The following AKAP13 variants were observed in gnomAD, a reference collection of about 807,000 sequenced individuals.
AKAP13 encodes the protein A-kinase anchor protein 13.
A neutral mutation model predicts 264.5 loss-of-function variants in AKAP13; 80 were observed. The ratio of observed to expected loss-of-function variants is 0.30; its 90% CI spans 0.25 to 0.36. The LOEUF (loss-of-function observed/expected upper bound fraction) is 0.36, where lower values mean the gene tolerates loss of function less well. Among genes scored for constraint, AKAP13 ranks in the 10% least tolerant of loss-of-function variants. The pLI, the probability that AKAP13 is intolerant of heterozygous loss-of-function variation, is 1.00. For missense variants in AKAP13, 3,712 were observed against 3,435.2 expected, an observed-to-expected ratio of 1.08 and a Z score of -2.01; for synonymous variants, 1,380 against 1,250.2, an observed-to-expected ratio of 1.10 and a Z score of -2.19.
chr15:85,695,353 G>A (rs1271531276), intron 17 of AKAP13, among the ~76,000 whole-genome samples: 4 of 152,174 alleles, frequency 2.6e-5, no homozygotes, highest in African/African-American at 9.7e-5. Context: ...GCAGTGAGCT[G>A]AGATCGTGCC....
At chr15:85,503,147 T>G (rs1353481961) in intron 2 of AKAP13, among the ~76,000 whole-genome samples, 1 of 152,176 alleles carries the variant, frequency 6.6e-6, no homozygotes, top group African/African-American at 2.4e-5. Context: ...CAACCTTAAT[T>G]TGTGTAAGAC....
chr15:85,649,867 C>A (rs984835399), intron 10 of AKAP13, among the ~76,000 whole-genome samples: 4 of 152,182 alleles, frequency 2.6e-5, no homozygotes, highest in African/African-American at 9.7e-5. Flanking sequence ...GGCCACTCTA[C>A]TATCCAAAAG....
In AKAP13 at chr15:85,515,542, CA is replaced by C. The variant is rs754114391; in HGVS notation, c.34-5885del. On this transcript the variant is annotated intron_variant, in intron 2 of 36. Coordinates refer to ENST00000394518, the MANE Select transcript of AKAP13 (RefSeq NM_007200.5). ...GTTGTCCCGATAATATCCTTAATAGCAGCTTGTTTTTATTAAGTATTCACTC... is the reference window on the plus strand; with the variant it reads ...GTTGTCCCGATAATATCCTTAATAGCGCTTGTTTTTATTAAGTATTCACTC... 7.2e-5 allele frequency among the ~76,000 whole-genome samples: 10 copies of C among 138,970 alleles called. 3 individuals are homozygous for C. Among genetic ancestry groups the C allele is most frequent in the African/African-American group, 1.4e-4 (5 of 34,710 alleles). The allele number at this position is 138,970 out of a possible 152,430, so 91.2% of individuals were successfully genotyped here.
chr15:85,676,003 C>G (rs987300546), intron 14 of AKAP13, among the ~76,000 whole-genome samples: 2 of 152,056 alleles, frequency 1.3e-5, no homozygotes, highest in African/African-American at 4.8e-5. Context: ...CCTCTGCCTC[C>G]CGGGTTCAAG....
At chr15:85,672,362 G>T (rs954019669) in intron 14 of AKAP13, among the ~76,000 whole-genome samples, 5 of 152,152 alleles carry the variant, frequency 3.3e-5, no homozygotes, top group African/African-American at 1.2e-4. Flanking sequence ...ACCTGTATTT[G>T]TTATTCTACA....
At chr15:85,682,950 A>AGCCACCGCAACTGGCCACG (rs6145666) in intron 15 of AKAP13, among the ~76,000 whole-genome samples, 1 of 152,196 alleles carries the variant, frequency 6.6e-6, no homozygotes, top group Non-Finnish European at 1.5e-5. Context: ...TACAGGCGTG[A>AGCCACCGCAACTGGCCACG]AATTGATTCT....
chr15:85,434,477 A>G (rs1378512331), intron 1 of AKAP13, among the ~76,000 whole-genome samples: 1 of 152,230 alleles, frequency 6.6e-6, no homozygotes, highest in African/African-American at 2.4e-5. Context: ...CCACAGCTCA[A>G]GAAGGCCTGC....
At chr15:85,668,216 A>C (rs1220430796) in intron 13 of AKAP13, among the ~76,000 whole-genome samples, 2 of 152,242 alleles carry the variant, frequency 1.3e-5, no homozygotes, top group Non-Finnish European at 2.9e-5. Flanking sequence ...CACATGAAAC[A>C]AGCTCTAAAT....
intron 5 of AKAP13, among the ~76,000 whole-genome samples, chr15:85,559,941 AAGTACATT>A (rs1365761849): frequency 6.6e-6 from 1 of 151,994 alleles, no homozygotes; most frequent in African/African-American, 2.4e-5. Flanking sequence ...GGAAAAGAAA[AAGTACATT>A]AGTGAGTGAG....
chr15:85,511,287 C>T (rs1430206772), intron 2 of AKAP13, among the ~76,000 whole-genome samples: 1 of 152,158 alleles, frequency 6.6e-6, no homozygotes. Flanking sequence ...CTTGCTGGAA[C>T]ACCAGCGTCT....
At chr15:85,640,248 C>G (rs760610910) in intron 9 of AKAP13, among the ~76,000 whole-genome samples, 2 of 152,140 alleles carry the variant, frequency 1.3e-5, no homozygotes, top group African/African-American at 2.4e-5. Context: ...GCCTGTTCTA[C>G]GACTGCTAAG....
At chr15:85,665,023 A>G (rs1300787498) in intron 13 of AKAP13, among the ~76,000 whole-genome samples, 2 of 152,014 alleles carry the variant, frequency 1.3e-5, no homozygotes, top group Non-Finnish European at 2.9e-5. Context: ...CAACATAGCA[A>G]GACCCCCCAT....
intron 34 of AKAP13, 96 bp from the exon 35 acceptor site, chr15:85,740,947 CATA>C (rs2088929546): frequency 3.3e-6 from 5 of 1,505,136 alleles, no homozygotes; most frequent in Non-Finnish European, 4.4e-6. Flanking sequence ...TCTAGTCCGT[CATA>C]GTGCCTGGTG....
intron 2 of AKAP13, among the ~76,000 whole-genome samples, chr15:85,494,023 C>G (rs1475260200): frequency 6.6e-6 from 1 of 152,144 alleles, no homozygotes; most frequent in Non-Finnish European, 1.5e-5. Context: ...CAAGGGTACC[C>G]CATTTTAGGA....
chr15:85,693,523 G>A (rs1188112392), intron 17 of AKAP13, 72 bp downstream of exon 17: 11 of 1,576,282 alleles, frequency 7.0e-6, no homozygotes, highest in Non-Finnish European at 7.7e-6. Context: ...CTTGTTTCCT[G>A]TCCCCACTCA....
intron 8 of AKAP13, among the ~76,000 whole-genome samples, chr15:85,616,822 G>A (rs1263494289): frequency 6.6e-6 from 1 of 152,170 alleles, no homozygotes; most frequent in Non-Finnish European, 1.5e-5. Context: ...TCTTCTGTTG[G>A]GGAGTGCTGA....
rs1422836270 is a variant in AKAP13, at chr15:85,658,569, G to C, written c.4778G>C (p.Arg1593Thr). ...SMRVLGDVVR[R>T]PPIHRRSFSL... ...CGAGTTCTTGGGGATGTTGTCAGGA[G>C]ACCTCCCATTCATAGGAGAAGGTAC... Residue 1593 changes from arginine (R) to threonine (T), a missense_variant, in exon 12 of 37, where the codon AGA (arginine) becomes ACA (threonine). Arg to Thr is a moderately conservative substitution (Grantham distance 71). Around this residue, in one of 3 missense-constraint regions of AKAP13, gnomAD observed 2,759 missense variants for 2,411.7 expected, o/e 1.14. Coordinates refer to ENST00000394518, the MANE Select transcript of AKAP13 (RefSeq NM_007200.5). The C allele has an allele frequency of 5.0e-6, 8 of 1,613,882 alleles. No individual in the cohort carries two copies. Among genetic ancestry groups the C allele is most frequent in the Non-Finnish European group, 6.8e-6 (8 of 1,179,882 alleles).
At chr15:85,706,647 A>C (rs1457954550) in intron 17 of AKAP13, among the ~76,000 whole-genome samples, 1 of 152,192 alleles carries the variant, frequency 6.6e-6, no homozygotes, top group African/African-American at 2.4e-5. Flanking sequence ...GCATTCATCT[A>C]ATTTTAGTTT....
chr15:85,688,954 A>G (rs944212855), intron 16 of AKAP13, among the ~76,000 whole-genome samples: 1 of 152,214 alleles, frequency 6.6e-6, no homozygotes, highest in African/African-American at 2.4e-5. Flanking sequence ...AAACACTCAT[A>G]TGCATGGTGT....
Sources: allele counts gnomAD v4.1 joint callset (sites outside exome capture counted in the v4.1 genomes callset), GRCh38; gene constraint gnomAD v4.1.1; regional missense constraint gnomAD v4.1.1; transcripts MANE v1.5; gene names NCBI Gene and HGNC (gene_info 2026-07-23, HGNC 2026-07-21).